KHDRBS2: variants seen among roughly 807,000 people sequenced by gnomAD.
KHDRBS2 encodes KH domain-containing, RNA-binding, signal transduction-associated protein 2.
Under a neutral mutation model 44.3 loss-of-function variants are expected in KHDRBS2, and 26 were observed. The ratio of observed to expected loss-of-function variants is 0.59; its 90% CI spans 0.43 to 0.81. The LOEUF (loss-of-function observed/expected upper bound fraction) is 0.81, where lower values mean the gene tolerates loss of function less well. KHDRBS2 is among the 40% of genes least tolerant of loss of function. KHDRBS2 has a pLI of 0.00. For synonymous variants in KHDRBS2, 194 were observed against 151.1 expected (o/e 1.28, Z -2.08); for missense variants, 476 against 433.1 (o/e 1.10, Z -0.88).
the KHDRBS2 span, among the ~76,000 whole-genome samples, chr6:61,607,137 T>C: frequency 6.6e-6 from 1 of 151,752 alleles, no homozygotes; most frequent in African/African-American, 2.4e-5. Flanking sequence ...ATTATAATCA[T>C]AAAAAAGGAC....
chr6:61,754,047 C>T (rs1451552964), intron 6 of KHDRBS2, among the ~76,000 whole-genome samples: 1 of 152,110 alleles, frequency 6.6e-6, no homozygotes, highest in Non-Finnish European at 1.5e-5. Context: ...CCAGAGGGAA[C>T]AAGTTCTCAT....
chr6:62,007,942 T>C (rs1342188657), intron 3 of KHDRBS2, among the ~76,000 whole-genome samples: 1 of 152,040 alleles, frequency 6.6e-6, no homozygotes, highest in Non-Finnish European at 1.5e-5. Context: ...GTATAGAAAA[T>C]ATCAAGTACA....
the KHDRBS2 span, among the ~76,000 whole-genome samples, chr6:61,605,691 C>T: frequency 6.6e-5 from 10 of 152,248 alleles, no homozygotes; most frequent in African/African-American, 2.4e-4. Context: ...TCCCACACTG[C>T]CCCAATCCCA....
At chr6:61,844,061 G>C (rs1422872800) in intron 6 of KHDRBS2, among the ~76,000 whole-genome samples, 1 of 152,102 alleles carries the variant, frequency 6.6e-6, no homozygotes, top group Non-Finnish European at 1.5e-5. Flanking sequence ...TTAGGGTACA[G>C]GGATGAAGGA....
intron 6 of KHDRBS2, among the ~76,000 whole-genome samples, chr6:61,739,915 C>A (rs1421874570): frequency 6.6e-6 from 1 of 151,844 alleles, no homozygotes; most frequent in East Asian, 1.9e-4. Flanking sequence ...TCAATATAAT[C>A]TATTTCATTT....
At chr6:62,007,685 CAACTAA>C (rs1779515956) in intron 3 of KHDRBS2, among the ~76,000 whole-genome samples, 1 of 140,104 alleles carries the variant, frequency 7.1e-6, no homozygotes, top group African/African-American at 2.6e-5. Flanking sequence ...TAGGGAATAT[CAACTAA>C]AATTCACAAG....
At chr6:61,901,660 A>G (rs928986982) in intron 4 of KHDRBS2, among the ~76,000 whole-genome samples, 3 of 152,228 alleles carry the variant, frequency 2.0e-5, no homozygotes, top group Non-Finnish European at 2.9e-5. Flanking sequence ...AAAAAGGAAG[A>G]TAGCAACATA....
the KHDRBS2 span, among the ~76,000 whole-genome samples, chr6:61,634,316 C>T: frequency 2.6e-5 from 4 of 151,406 alleles, no homozygotes; most frequent in African/African-American, 9.7e-5. Flanking sequence ...GAAACCACTT[C>T]CAGTCTAAAG....
chr6:61,733,367 G>A (rs1412215405), intron 6 of KHDRBS2, among the ~76,000 whole-genome samples: 1 of 152,152 alleles, frequency 6.6e-6, no homozygotes. Context: ...AAGGTGGGCA[G>A]ATCAGCTGAG....
chr6:62,155,955 C>A (rs1816284021), intron 2 of KHDRBS2, among the ~76,000 whole-genome samples: 1 of 152,102 alleles, frequency 6.6e-6, no homozygotes, highest in African/African-American at 2.4e-5. Context: ...ATAATGGGCT[C>A]ATTCTTTTTG....
At chr6:61,884,781 T>C (rs747768341) in intron 6 of KHDRBS2, among the ~76,000 whole-genome samples, 1 of 152,098 alleles carries the variant, frequency 6.6e-6, no homozygotes, top group Non-Finnish European at 1.5e-5. Flanking sequence ...GAACAGACTT[T>C]TAGTACCAGC....
chr6:61,716,169 C>A (rs1319677218), intron 7 of KHDRBS2, among the ~76,000 whole-genome samples: 1 of 151,886 alleles, frequency 6.6e-6, no homozygotes, highest in Non-Finnish European at 1.5e-5. Flanking sequence ...AGCTGCCATG[C>A]TATGAGGAAG....
chr6:61,587,102 C>G, the KHDRBS2 span, among the ~76,000 whole-genome samples: 1 of 152,112 alleles, frequency 6.6e-6, no homozygotes, highest in Admixed American at 6.6e-5. Context: ...GCCTACTCCC[C>G]CACCAACACT....
intron 4 of KHDRBS2, 37 bp from the exon 5 acceptor site, chr6:61,901,408 G>A: frequency 3.2e-6 from 5 of 1,538,808 alleles, no homozygotes; most frequent in Non-Finnish European, 4.4e-6. Context: ...TTAAAAATGG[G>A]ACATGCCGTT....
intron 6 of KHDRBS2, among the ~76,000 whole-genome samples, chr6:61,826,732 T>A (rs569892593): frequency 6.6e-6 from 1 of 152,284 alleles, no homozygotes; most frequent in Non-Finnish European, 1.5e-5. Flanking sequence ...CTATTTCCTA[T>A]CTGCCCTTGA....
intron 2 of KHDRBS2, among the ~76,000 whole-genome samples, chr6:62,093,978 C>A (rs1054377122): frequency 6.6e-6 from 1 of 151,292 alleles, no homozygotes; most frequent in African/African-American, 2.4e-5. Context: ...AATAGTGCTG[C>A]AATAAACATG....
At chr6:61,749,969 AATG>A (rs1777422170) in intron 6 of KHDRBS2, among the ~76,000 whole-genome samples, 1 of 152,162 alleles carries the variant, frequency 6.6e-6, no homozygotes, top group Non-Finnish European at 1.5e-5. Flanking sequence ...AAACTAGTAG[AATG>A]ACCTCTAAAT....
At chr6:61,761,423 G>A (rs1303895733) in intron 6 of KHDRBS2, among the ~76,000 whole-genome samples, 1 of 152,032 alleles carries the variant, frequency 6.6e-6, no homozygotes, top group African/African-American at 2.4e-5. Context: ...ATAATATGCT[G>A]GTGATATCAG....
intron 1 of KHDRBS2, among the ~76,000 whole-genome samples, chr6:62,221,965 T>C (rs1481990785): frequency 1.3e-5 from 2 of 152,142 alleles, no homozygotes; most frequent in Non-Finnish European, 2.9e-5. Context: ...GTTACTATAA[T>C]ACAATTAAGT....
Sources: allele counts gnomAD v4.1 joint callset (sites outside exome capture counted in the v4.1 genomes callset), GRCh38; gene constraint gnomAD v4.1.1; transcripts MANE v1.5; gene names NCBI Gene and HGNC (gene_info 2026-07-23, HGNC 2026-07-21).